RIPK4: variants seen among roughly 807,000 people sequenced by gnomAD.
RIPK4 encodes receptor-interacting serine/threonine-protein kinase 4.
RIPK4 carries 17 observed loss-of-function variants against 42.9 expected under a neutral mutation model. That is an observed-to-expected ratio of 0.40 (90% CI 0.27 to 0.59). The LOEUF is 0.59. Among genes scored for constraint, RIPK4 ranks in the 20% least tolerant of loss-of-function variants. RIPK4 has a pLI of 0.47. For synonymous variants in RIPK4, 498 were observed against 499.1 expected (o/e 1.00, Z 0.03); for missense variants, 897 against 1,104.4 (o/e 0.81, Z 2.66).
In RIPK4 at chr21:41,741,103, A is replaced by C; in HGVS notation, c.2090T>G (p.Leu697Arg). Residue 697 changes from leucine (L) to arginine (R), a missense_variant, in exon 8 of 8, where the codon CTG becomes CGG. Transcript: ENST00000332512. ...KLLVEEKADV[L>R]ARGPLNQTAL... ...CGTCTGGTTCAGGGGTCCCCGGGCC[A>C]GCACATCGGCCTTCTCCTCGACAAG... 6.2e-7 allele frequency: 1 copy of C among 1,612,488 alleles called. No individual in the cohort carries two copies. The highest frequency in any genetic ancestry group is 8.5e-7 in the Non-Finnish European group (1 of 1,179,846).
chr21:41,764,207 C>T lies in RIPK4; in HGVS notation c.182+2653G>A, dbSNP rs531239039. ...AGAAAAGCAAGCTCACATGGCCTGG[C>T]GCAGCCTGCTCATCAAACAAGCCCC... On this transcript the variant is annotated intron_variant, in intron 1 of 7. Transcript: ENST00000332512. 5.3e-5 allele frequency among the ~76,000 whole-genome samples: 8 copies of T among 152,312 alleles called. 1 individual carries two copies. In the South Asian group the frequency reaches 6.2e-4, roughly 12 times the overall value.
chr21:41,759,012 GCA>G (rs2146058846), intron 1 of RIPK4, among the ~76,000 whole-genome samples: 1 of 152,380 alleles, frequency 6.6e-6, no homozygotes, highest in South Asian at 2.1e-4. Context: ...ATGGTAGAAA[GCA>G]CCCAGGAAGC....
At chr21:41,766,313 C>G (rs991367740) in intron 1 of RIPK4, among the ~76,000 whole-genome samples, 8 of 152,230 alleles carry the variant, frequency 5.3e-5, no homozygotes, top group Admixed American at 2.6e-4. Flanking sequence ...GAAATAATTA[C>G]AGTCTTACAC....
chr21:41,760,600 C>A (rs755444144), intron 1 of RIPK4, among the ~76,000 whole-genome samples: 1 of 152,184 alleles, frequency 6.6e-6, no homozygotes, highest in Non-Finnish European at 1.5e-5. Context: ...AGAGGGGAAG[C>A]CAGCAGAGCA....
intron 2 of RIPK4, among the ~76,000 whole-genome samples, chr21:41,754,731 A>C (rs1048415042): frequency 7.8e-5 from 11 of 141,142 alleles, no homozygotes; most frequent in East Asian, 6.1e-4. Flanking sequence ...GAGCACTCCC[A>C]CCCCCTCCCA....
At chr21:41,762,131 C>G (rs2061222361) in intron 1 of RIPK4, among the ~76,000 whole-genome samples, 1 of 152,230 alleles carries the variant, frequency 6.6e-6, no homozygotes, top group African/African-American at 2.4e-5. Flanking sequence ...ACGACTTCCC[C>G]CTTCCATGGG....
chr21:41,743,146 G>A lies in RIPK4; in HGVS notation c.1195+736C>T, dbSNP rs140988150. On this transcript the variant is annotated intron_variant, in intron 7 of 7. Coordinates refer to ENST00000332512, the MANE Select transcript of RIPK4 (RefSeq NM_020639.3). Reference sequence around the variant, plus strand: ...ATTGCAGCCTTGGCCCTCAGCCCCCGTGGCTGTAGCCCTGAGTGTAAATCC... The same window carrying A: ...ATTGCAGCCTTGGCCCTCAGCCCCCATGGCTGTAGCCCTGAGTGTAAATCC... Among the ~76,000 whole-genome samples the A allele has an allele frequency of 1.8e-4, 28 of 151,540 alleles. No homozygotes were observed. The East Asian group carries it at 4.3e-3, about 23-fold the overall frequency.
rs904022034 is a variant in RIPK4 at position 41,755,909 on chromosome 21, A to C, written c.474+616T>G. On this transcript the variant is annotated intron_variant, in intron 2 of 7. Transcript: ENST00000332512. This position sits in a 1 kb window ranked among gnomAD's most constrained non-coding sequence, Gnocchi z 4.2. ...GGCAACACTGGTTTTCAGTTACATT[A>C]TCTCTCTTACTTTTCTGTGTTTCAA... is the stretch of plus-strand genomic sequence containing the variant. 1.3e-5 allele frequency among the ~76,000 whole-genome samples: 2 copies of C among 152,250 alleles called. No individual in the cohort carries two copies. Among genetic ancestry groups the C allele is most frequent in the Non-Finnish European group, 2.9e-5 (2 of 68,040 alleles).
rs1162831173 is a variant in RIPK4 at position 41,741,367 on chromosome 21, T to A, written c.1826A>T (p.His609Leu). Residue 609 changes from histidine (H) to leucine (L), a missense_variant, in exon 8 of 8, where the codon CAC becomes CTC. Physicochemically the swap from His to Leu is moderately conservative, Grantham distance 99. Coordinates refer to ENST00000332512, the MANE Select transcript of RIPK4 (RefSeq NM_020639.3). ...GTAGTGCCCGCGCTGTGCGGCCAGGTGCAATGGCGTCCTCCCATCCAGCGT... is the reference window on the plus strand; with the variant it reads ...GTAGTGCCCGCGCTGTGCGGCCAGGAGCAATGGCGTCCTCCCATCCAGCGT... ...AQTLDGRTPL[H>L]LAAQRGHYRV... 6.2e-7 allele frequency: 1 copy of A among 1,612,000 alleles called. No homozygotes were observed. The highest frequency in any genetic ancestry group is 8.5e-7 in the Non-Finnish European group (1 of 1,179,862).
intron 2 of RIPK4, 58 bp downstream of exon 2, chr21:41,756,467 C>T: frequency 6.4e-7 from 1 of 1,567,554 alleles, no homozygotes; most frequent in Non-Finnish European, 8.6e-7. Flanking sequence ...TGATACCCTG[C>T]TCCCCAAGAC....
chr21:41,743,499 C>T (rs529443903), intron 7 of RIPK4, among the ~76,000 whole-genome samples: 23 of 152,302 alleles, frequency 1.5e-4, no homozygotes, highest in Middle Eastern at 3.4e-3. Flanking sequence ...TACCCAGCAG[C>T]GTCTGAGCAG....
chr21:41,766,847 C>G lies in RIPK4; in HGVS notation c.182+13G>C. 2 of 1,602,788 alleles carry G rather than the reference C, an allele frequency of 1.2e-6. No homozygotes were observed. Among genetic ancestry groups the G allele is most frequent in the Non-Finnish European group, 1.7e-6 (2 of 1,175,364 alleles). On this transcript the variant is annotated intron_variant, in intron 1 of 7. Transcript: ENST00000332512. Reference sequence around the variant, plus strand: ...GGCCCCAGCCGCCCCAGCGCCCCGCCCGGGCCGCTCACCTGTCGTCGACGT... The same window carrying G: ...GGCCCCAGCCGCCCCAGCGCCCCGCGCGGGCCGCTCACCTGTCGTCGACGT...
chr21:41,765,737 A>T (rs1208693475), intron 1 of RIPK4, among the ~76,000 whole-genome samples: 1 of 152,268 alleles, frequency 6.6e-6, no homozygotes, highest in Admixed American at 6.5e-5. Context: ...TTCTGAGTGT[A>T]TGTGTTCAAG....
intron 3 of RIPK4, among the ~76,000 whole-genome samples, chr21:41,750,636 G>C (rs2061185684): frequency 3.3e-5 from 5 of 152,072 alleles, no homozygotes; most frequent in Admixed American, 2.0e-4. Context: ...AGAAATCCCT[G>C]AACTCTACAA....
chr21:41,755,589 G>A lies in RIPK4; in HGVS notation c.474+936C>T, dbSNP rs950924153. Among the ~76,000 whole-genome samples the A allele has an allele frequency of 1.3e-5, 2 of 152,148 alleles. No homozygotes were observed. The highest frequency in any genetic ancestry group is 4.8e-5 in the African/African-American group (2 of 41,424). ...CCACCAGGAACAGTAGCACAGCCAA[G>A]CCAGGCAGGGGACTCCTCTGCTTGT... is the stretch of plus-strand genomic sequence containing the variant. On this transcript the variant is annotated intron_variant, in intron 2 of 7. Coordinates refer to ENST00000332512, the MANE Select transcript of RIPK4 (RefSeq NM_020639.3). This position sits in a 1 kb window ranked among gnomAD's most constrained non-coding sequence, Gnocchi z 4.2.
chr21:41,753,762 G>T (rs575730003), intron 2 of RIPK4, among the ~76,000 whole-genome samples: 1 of 152,170 alleles, frequency 6.6e-6, no homozygotes, highest in East Asian at 1.9e-4. Context: ...GCAGCCTGCC[G>T]GGGTTTTGCT....
rs759077398 is a variant in RIPK4 at position 41,746,837 on chromosome 21, G to A, written c.674-66C>T. ...GGGTGGCAGCATCTCACCCTTGGGA[G>A]GAAACGACACACTCGCCGGGGGCCA... On this transcript the variant is annotated intron_variant, in intron 4 of 7. Coordinates refer to ENST00000332512, the MANE Select transcript of RIPK4 (RefSeq NM_020639.3). 4.3e-5 allele frequency: 65 copies of A among 1,504,620 alleles called. No individual in the cohort carries two copies. The African/African-American group carries it at 8.4e-4, about 19-fold the overall frequency. The allele number at this position is 1,504,620 out of a possible 1,614,324, so 93.2% of individuals were successfully genotyped here.
rs1271858977 is a variant in RIPK4 at position 41,741,911 on chromosome 21, G to A, written c.1282C>T (p.Pro428Ser). 1.2e-6 allele frequency: 2 copies of A among 1,613,472 alleles called. No homozygotes were observed. Among genetic ancestry groups the A allele is most frequent in the Non-Finnish European group, 1.7e-6 (2 of 1,179,834 alleles). ...DTSKLMKILQPQDVDLALDSG... is the reference protein window; with the variant it reads ...DTSKLMKILQSQDVDLALDSG... ...TCCAGTGCCAGGTCCACGTCCTGCGGCTGCAGGATCTTCATCAGTTTGCTG... is the reference window on the plus strand; with the variant it reads ...TCCAGTGCCAGGTCCACGTCCTGCGACTGCAGGATCTTCATCAGTTTGCTG... Residue 428 changes from proline to serine, a missense_variant, in exon 8 of 8, where the codon CCG becomes TCG. By Grantham distance (74) the Pro-to-Ser change is moderately conservative. Coordinates refer to ENST00000332512, the MANE Select transcript of RIPK4 (RefSeq NM_020639.3).
intron 1 of RIPK4, among the ~76,000 whole-genome samples, chr21:41,760,342 G>A (rs1394664901): frequency 1.3e-5 from 2 of 152,304 alleles, no homozygotes; most frequent in East Asian, 1.9e-4. Flanking sequence ...TGGTGTTTAC[G>A]TGTACCCTCT....
Sources: allele counts gnomAD v4.1 joint callset (sites outside exome capture counted in the v4.1 genomes callset), GRCh38; gene constraint gnomAD v4.1.1; non-coding constraint Gnocchi (gnomAD v3.1); transcripts MANE v1.5; gene names NCBI Gene and HGNC (gene_info 2026-07-23, HGNC 2026-07-21).